Variants in GOLGA3 observed in about 807,000 individuals in gnomAD.
GOLGA3 encodes golgin A3.
Under a neutral mutation model 169.4 loss-of-function variants are expected in GOLGA3, and 75 were observed. That is an observed-to-expected ratio of 0.44 (90% confidence interval 0.37 to 0.54). The LOEUF is 0.54. Ranked by LOEUF, GOLGA3 falls within the 20% of genes least tolerant of loss-of-function variation. The pLI, the probability that GOLGA3 is intolerant of heterozygous loss-of-function variation, is 0.00. For synonymous variants in GOLGA3, 824 were observed against 822.4 expected (o/e 1.00, Z -0.03); for missense variants, 1,899 against 1,930.0 (o/e 0.98, Z 0.30).
At chr12:132,796,862 T>C (rs984886413) in intron 9 of GOLGA3, among the ~76,000 whole-genome samples, 162 bp from the exon 10 acceptor site, 1 of 152,244 alleles carries the variant, frequency 6.6e-6, no homozygotes, top group African/African-American at 2.4e-5. Flanking sequence ...GATGGGCAGC[T>C]TGGCCGCCCC....
chr12:132,791,000 A>AAG (rs1324824738), intron 12 of GOLGA3, among the ~76,000 whole-genome samples: 2 of 138,410 alleles, frequency 1.4e-5, no homozygotes, highest in Admixed American at 1.6e-4. Flanking sequence ...GCAGTGAGCC[A>AAG]AGATCGCGTC....
At chr12:132,791,845 G>A (rs1277256743) in intron 11 of GOLGA3, among the ~76,000 whole-genome samples, 1 of 138,040 alleles carries the variant, frequency 7.2e-6, no homozygotes, top group African/African-American at 2.6e-5. Flanking sequence ...GGACACATCT[G>A]CAGAGTTGTT....
intron 1 of GOLGA3, chr12:132,826,122 T>C: frequency 6.4e-7 from 1 of 1,553,246 alleles, no homozygotes; most frequent in Non-Finnish European, 8.9e-7. Flanking sequence ...AGCAAGACAG[T>C]GCACCTCAAC....
intron 4 of GOLGA3, among the ~76,000 whole-genome samples, chr12:132,809,819 T>G (rs1949613994): frequency 6.6e-6 from 1 of 152,212 alleles, no homozygotes. Context: ...GTTTTATATT[T>G]TATTATACTG....
chr12:132,787,125 TG>T (rs1449333060), intron 13 of GOLGA3, among the ~76,000 whole-genome samples: 3 of 152,066 alleles, frequency 2.0e-5, no homozygotes, highest in African/African-American at 7.2e-5. Context: ...AGCTAATTTT[TG>T]TATTTTTAGT....
chr12:132,828,486 AAAGC>A (rs1311611609), intron 1 of GOLGA3: 2 of 152,304 alleles, frequency 1.3e-5, no homozygotes, highest in Non-Finnish European at 2.9e-5. Context: ...GGGCCAGGCT[AAAGC>A]AAGCACTGCC....
intron 15 of GOLGA3, among the ~76,000 whole-genome samples, chr12:132,785,943 C>T (rs1394647522): frequency 6.6e-6 from 1 of 152,250 alleles, no homozygotes; most frequent in Non-Finnish European, 1.5e-5. Context: ...TCGCTGACCC[C>T]ATGCCCTCAC....
Position 132,782,485 on chromosome 12 carries a change from T to C in GOLGA3, c.3276A>G (p.Glu1092=). The C allele has an allele frequency of 6.2e-7, 1 of 1,613,164 alleles. No individual in the cohort carries two copies. Among genetic ancestry groups the C allele is most frequent in the Non-Finnish European group, 8.5e-7 (1 of 1,179,072 alleles). The change falls in exon 17 of 24, where the codon GAA becomes GAG. Residue 1092 remains glutamate (E), a synonymous_variant. Transcript: ENST00000450791. The stretch of plus-strand genomic sequence containing the variant: ...TTATCTTCTTCCTAAAGCCTCTGGA[T>C]TCTTGAAGCTGAAACATACCAATGT... The part of the protein sequence containing the change: ...KVLELEDELQ[E]SRGFRKKIKR...
rs2045997368 is a variant in GOLGA3 at position 132,787,804 on chromosome 12, TC to T, written c.2812-1018del. Reference sequence around the variant, plus strand: ...CCCTCCCCGGAGACCACGGGACCCCTCCCCGGAGACCCCGGGACCCCTCCCC... The same window carrying T: ...CCCTCCCCGGAGACCACGGGACCCCTCCCGGAGACCCCGGGACCCCTCCCC... On this transcript the variant is annotated intron_variant, in intron 13 of 23. Transcript: ENST00000450791. Among the ~76,000 whole-genome samples the T allele has an allele frequency of 6.2e-5, 2 of 32,300 alleles. 1 individual carries two copies. The highest frequency in any genetic ancestry group is 1.2e-4 in the Non-Finnish European group (2 of 16,322). 21.2% of individuals were successfully genotyped at this position (32,300 alleles called of 152,430 possible).
intron 4 of GOLGA3, among the ~76,000 whole-genome samples, chr12:132,810,356 G>C (rs750726555): frequency 1.1e-4 from 16 of 152,116 alleles, no homozygotes; most frequent in Non-Finnish European, 2.2e-4. Context: ...CGTGTGGGCG[G>C]CAAGCCACCC....
intron 8 of GOLGA3, among the ~76,000 whole-genome samples, chr12:132,801,168 C>G (rs1566110675): frequency 6.6e-6 from 1 of 152,236 alleles, no homozygotes; most frequent in Non-Finnish European, 1.5e-5. Flanking sequence ...TATGCGGGAC[C>G]AAGCTGGACA....
In GOLGA3 at chr12:132,821,959, T is replaced by C. The variant is rs369897627; in HGVS notation, c.133+37A>G. The C allele has an allele frequency of 1.0e-5, 15 of 1,435,430 alleles. No individual in the cohort carries two copies. In the African/African-American group the frequency reaches 1.9e-4, roughly 18 times the overall value. The allele number at this position is 1,435,430 out of a possible 1,614,324, so 88.9% of individuals were successfully genotyped here. On this transcript the variant is annotated intron_variant, in intron 2 of 23. Transcript: ENST00000450791. ...CACGTCCTCCCTCAACACCAGGTCC[T>C]CCTGTGACCAGCACACAGAGGAACC...
In GOLGA3 at chr12:132,796,694, T is replaced by C. The variant is rs142737565; in HGVS notation, c.1945A>G (p.Met649Val). ...ATGAAGGCTGCTTCCTGATCCAACA[T>C]GTCAGCCTGAGCCCAGGAAACTTGT... ...AAQLQGIEAD[M>V]LDQEAAFMQI... is the part of the protein sequence containing the mutation. The change falls in exon 10 of 24, where the codon ATG (methionine) becomes GTG (valine). Residue 649 changes from methionine (M) to valine (V), a missense_variant. Coordinates refer to ENST00000450791, the MANE Select transcript of GOLGA3 (RefSeq NM_001389683.1). 1.9e-6 allele frequency: 3 copies of C among 1,613,632 alleles called. No individual in the cohort carries two copies. Among genetic ancestry groups the C allele is most frequent in the East Asian group, 2.2e-5 (1 of 44,882 alleles).
chr12:132,773,337 G>A, intron 23 of GOLGA3, 43 bp from the exon 24 acceptor site: 1 of 1,276,474 alleles, frequency 7.8e-7, no homozygotes, highest in East Asian at 2.8e-5. Context: ...TCACACAAGT[G>A]CCAGGCAGAA....
At chr12:132,806,828 T>A (rs1456172501) in intron 6 of GOLGA3, among the ~76,000 whole-genome samples, 1 of 151,654 alleles carries the variant, frequency 6.6e-6, no homozygotes, top group African/African-American at 2.4e-5. Context: ...ACAATTAGTA[T>A]CAGAAAAAGC....
At chr12:132,786,297 G>A (rs781462826) in intron 15 of GOLGA3, 42 bp downstream of exon 15, 1 of 1,363,668 alleles carries the variant, frequency 7.3e-7, no homozygotes, top group Non-Finnish European at 1.0e-6. Context: ...CCTGCACTGA[G>A]GGGCTGGTGA....
intron 4 of GOLGA3, among the ~76,000 whole-genome samples, chr12:132,812,704 G>T (rs1399920882): frequency 6.6e-6 from 1 of 152,182 alleles, no homozygotes; most frequent in African/African-American, 2.4e-5. Context: ...GCAATCTCAG[G>T]ATAAAACCTG....
Position 132,813,986 on chromosome 12 carries a change from A to G in GOLGA3, c.407-567T>C, listed in dbSNP as rs536643496. 5.6e-4 allele frequency among the ~76,000 whole-genome samples: 84 copies of G among 148,928 alleles called. 2 individuals carry two copies. The highest frequency in any genetic ancestry group is 2.1e-3 in the African/African-American group (84 of 40,366). On this transcript the variant is annotated intron_variant, in intron 3 of 23. Coordinates refer to ENST00000450791, the MANE Select transcript of GOLGA3 (RefSeq NM_001389683.1). ...TGATCCACCCGCCTCGGCCTCCCAAAGTGCTGGGATTACAGGCGTGAGCCA... is the reference window on the plus strand; with the variant it reads ...TGATCCACCCGCCTCGGCCTCCCAAGGTGCTGGGATTACAGGCGTGAGCCA...
At position 132,778,814 on chromosome 12, in the gene GOLGA3, G is replaced by T. The variant is rs138404241; in HGVS notation, c.3583-1009C>A. Among the ~76,000 whole-genome samples the T allele has an allele frequency of 2.7e-4, 41 of 150,998 alleles. 2 individuals are homozygous for T. Among genetic ancestry groups the T allele is most frequent in the Middle Eastern group, 6.9e-3 (2 of 290 alleles). On this transcript the variant is annotated intron_variant, in intron 18 of 23. Coordinates refer to ENST00000450791, the MANE Select transcript of GOLGA3 (RefSeq NM_001389683.1). Reference sequence around the variant, plus strand: ...GGAGGCTGAGGCAGGAGAATCACTTGAACCCGGGAGGCAGAGGTTACAGTG... The same window carrying T: ...GGAGGCTGAGGCAGGAGAATCACTTTAACCCGGGAGGCAGAGGTTACAGTG...
Sources: allele counts gnomAD v4.1 joint callset (sites outside exome capture counted in the v4.1 genomes callset), GRCh38; gene constraint gnomAD v4.1.1; transcripts MANE v1.5; gene names NCBI Gene and HGNC (gene_info 2026-07-23, HGNC 2026-07-21).